The following GBP5 variants were observed in gnomAD, a reference collection of about 807,000 sequenced individuals.
GBP5 encodes guanylate-binding protein 5.
GBP5 carries 48 observed loss-of-function variants against 58.2 expected under a neutral mutation model. The ratio of observed to expected loss-of-function variants is 0.83; its 90% CI spans 0.65 to 1.05. The LOEUF is 1.05. Ranked by LOEUF, GBP5 falls within the 50% of genes least tolerant of loss-of-function variation. The pLI is 0.00. For synonymous variants in GBP5, 248 were observed against 251.8 expected (o/e 0.98, Z 0.14); for missense variants, 714 against 686.8 (o/e 1.04, Z -0.44).
chr1:89,258,292 T>C lies in GBP5; in HGVS notation c.*2412A>G, dbSNP rs887786782. On this transcript the variant is annotated 3_prime_UTR_variant, in exon 12 of 12. Coordinates refer to ENST00000370459, the MANE Select transcript of GBP5 (RefSeq NM_052942.5). The stretch of plus-strand genomic sequence containing the variant: ...TTAACAGTAACAAGGTGTGAAACCT[T>C]AAATGACTTAATTTTCTGAGTCTCA... 6.6e-6 allele frequency among the ~76,000 whole-genome samples: 1 copy of C among 152,210 alleles called. No individual in the cohort carries two copies. Among genetic ancestry groups the C allele is most frequent in the Non-Finnish European group, 1.5e-5 (1 of 68,044 alleles).
At chr1:89,271,754 G>A (rs1256082673) in intron 1 of GBP5, 1 of 152,192 alleles carries the variant, frequency 6.6e-6, no homozygotes, top group African/African-American at 2.4e-5. Context: ...GAATTTCAAC[G>A]AGTGAACAGT....
Position 89,264,691 on chromosome 1 carries a change from A to T in GBP5, c.1144T>A (p.Leu382Met). The T allele has an allele frequency of 6.2e-7, 1 of 1,613,142 alleles. No homozygotes were observed. Among genetic ancestry groups the T allele is most frequent in the South Asian group, 1.1e-5 (1 of 91,076 alleles). Residue 382 changes from leucine (L) to methionine (M), a missense_variant, in exon 8 of 12, where the codon TTG becomes ATG. Physicochemically the swap from Leu to Met is conservative, Grantham distance 15 (BLOSUM62 2). Transcript: ENST00000370459. ...KDVDQSFQKE[L>M]ETLLDAKQND... ...ACTAGAAACAAAAATATCACCTCCA[A>T]TTCTTTCTGGAAACTTTGGTCTACA...
At chr1:89,266,729 C>T (rs1650236216) in intron 6 of GBP5, 141 bp from the exon 7 acceptor site, 2 of 842,516 alleles carry the variant, frequency 2.4e-6, no homozygotes, top group African/African-American at 1.7e-5. Context: ...AAAATGGTAA[C>T]TAATCAGGGA....
chr1:89,262,458 C>T (rs1242667070), intron 10 of GBP5, 57 bp from the exon 11 acceptor site: 2 of 1,479,870 alleles, frequency 1.4e-6, no homozygotes, highest in African/African-American at 2.8e-5. Flanking sequence ...TTCTGCCTCC[C>T]ACTTTTGTTT....
At chr1:89,263,972 GA>G in intron 8 of GBP5, 24 bp from the exon 9 acceptor site, 1 of 1,369,836 alleles carries the variant, frequency 7.3e-7, no homozygotes, top group Non-Finnish European at 1.0e-6. Flanking sequence ...AAAACCCATG[GA>G]AAAGATGTTA....
chr1:89,258,909 T>C lies in GBP5; in HGVS notation c.*1795A>G, dbSNP rs182837779. 2.0e-4 allele frequency: 31 copies of C among 152,318 alleles called. No homozygotes were observed. Among genetic ancestry groups the C allele is most frequent in the African/African-American group, 6.0e-4 (25 of 41,578 alleles). 9.4% of individuals were successfully genotyped at this position (152,318 alleles called of 1,614,324 possible). On this transcript the variant is annotated 3_prime_UTR_variant, in exon 12 of 12. Coordinates refer to ENST00000370459, the MANE Select transcript of GBP5 (RefSeq NM_052942.5). ...CTTAGGGAAATTCAGTCTTTCTCTA[T>C]AGACTTTTAACTTTGAGAAAAATAC...
Position 89,259,084 on chromosome 1 carries a change from A to C in GBP5, c.*1620T>G, listed in dbSNP as rs958992204. ...AGAATTAAGATCATTTAACTTTAGC[A>C]CTATAAGCAAGCATTAAATTAAATG... On this transcript the variant is annotated 3_prime_UTR_variant, in exon 12 of 12. Transcript: ENST00000370459. 3.3e-5 allele frequency: 5 copies of C among 152,212 alleles called. No homozygotes were observed. The highest frequency in any genetic ancestry group is 1.2e-4 in the African/African-American group (5 of 41,468). The allele number at this position is 152,212 out of a possible 1,614,324, so 9.4% of individuals were successfully genotyped here.
intron 2 of GBP5, 107 bp from the exon 3 acceptor site, chr1:89,269,681 C>A: frequency 1.6e-6 from 1 of 635,618 alleles, no homozygotes; most frequent in Non-Finnish European, 2.7e-6. Flanking sequence ...CCCAGCACTG[C>A]CTAAGTTTCT....
intron 7 of GBP5, among the ~76,000 whole-genome samples, 199 bp downstream of exon 7, chr1:89,266,147 T>G (rs1270749587): frequency 6.6e-6 from 1 of 152,270 alleles, no homozygotes; most frequent in Non-Finnish European, 1.5e-5. Context: ...GTTCCTGTTT[T>G]ATGTAACTTT....
rs1229227834 is a variant in GBP5 at position 89,266,499 on chromosome 1, G to A, written c.715C>T (p.Pro239Ser). Residue 239 changes from proline to serine, a missense_variant, in exon 7 of 12, where the codon CCT (proline) becomes TCT (serine). Coordinates refer to ENST00000370459, the MANE Select transcript of GBP5 (RefSeq NM_052942.5). ...TGGGCAAGCTTTTTTTGGTGAGCAG[G>A]TAAGTCAAAGATAAAGCATTTCTTT... ...PKKKCFIFDL[P>S]AHQKKLAQLE... 2.5e-6 allele frequency: 4 copies of A among 1,613,996 alleles called. No individual in the cohort carries two copies. The African/African-American group carries it at 5.3e-5, about 22-fold the overall frequency.
chr1:89,264,591 G>T, intron 8 of GBP5, 95 bp downstream of exon 8: 1 of 1,063,790 alleles, frequency 9.4e-7, no homozygotes, highest in Non-Finnish European at 1.4e-6. Flanking sequence ...TTCCAATCTA[G>T]TATTTTTTTT....
Position 89,258,191 on chromosome 1 carries a change from T to C in GBP5, c.*2513A>G, listed in dbSNP as rs1649854888. ...CACTAATGAAAGCAGCATGCCTCTC[T>C]GGTTTTTGGTGGGGGAGATATAATA... On this transcript the variant is annotated 3_prime_UTR_variant, in exon 12 of 12. Transcript: ENST00000370459. 6.6e-6 allele frequency among the ~76,000 whole-genome samples: 1 copy of C among 152,186 alleles called. No individual in the cohort carries two copies. The highest frequency in any genetic ancestry group is 1.5e-5 in the Non-Finnish European group (1 of 68,024).
In GBP5 at chr1:89,260,943, G is replaced by C; in HGVS notation, c.1648-126C>G. 2 of 652,460 alleles carry C rather than the reference G, an allele frequency of 3.1e-6. 1 individual carries two copies. The highest frequency in any genetic ancestry group is 5.5e-6 in the Non-Finnish European group (2 of 365,130). The allele number at this position is 652,460 out of a possible 1,614,324, so 40.4% of individuals were successfully genotyped here. ...TCCTGAATATCTCTCTTCCATTCAC[G>C]TGCATCTAACCTATTTCTGTAATTA... On this transcript the variant is annotated intron_variant, in intron 11 of 11. Coordinates refer to ENST00000370459, the MANE Select transcript of GBP5 (RefSeq NM_052942.5).
intron 2 of GBP5, chr1:89,269,787 T>C (rs1229466296): frequency 3.1e-6 from 1 of 325,940 alleles, no homozygotes; most frequent in Non-Finnish European, 5.6e-6. Context: ...ATGTCTACTA[T>C]AGGCCATTCT....
rs1469929972 is a variant in GBP5, at chr1:89,259,707, C to T, written c.*997G>A. Reference sequence around the variant, plus strand: ...CCGCAAGTTCCCAGAACTTAGGTGCCACTATAACCACCCCTAAGCTAAACC... The same window carrying T: ...CCGCAAGTTCCCAGAACTTAGGTGCTACTATAACCACCCCTAAGCTAAACC... On this transcript the variant is annotated 3_prime_UTR_variant, in exon 12 of 12. Transcript: ENST00000370459. The T allele has an allele frequency of 1.3e-5, 2 of 151,996 alleles. No homozygotes were observed. The highest frequency in any genetic ancestry group is 1.3e-4 in the Admixed American group (2 of 15,262). 9.4% of individuals were successfully genotyped at this position (151,996 alleles called of 1,614,324 possible). A position where few individuals can be genotyped will look rare whatever the true frequency, so the allele number is the denominator to read the frequency against.
Position 89,268,727 on chromosome 1 carries a change from ACC to A in GBP5, c.318_318+1del. 1 of 1,613,930 alleles carries A rather than the reference ACC, an allele frequency of 6.2e-7. No individual in the cohort carries two copies. Among genetic ancestry groups the A allele is most frequent in the Admixed American group, 1.7e-5 (1 of 60,014 alleles). On this transcript the variant is annotated splice_donor_variant and coding_sequence_variant, in exon 4 of 12. Coordinates refer to ENST00000370459, the MANE Select transcript of GBP5 (RefSeq NM_052942.5). LOFTEE classifies it high-confidence loss of function. Reference sequence around the variant, plus strand: ...AGGTTAAAAAAAGGAATCCTTCCTTACCTTCTCTACATCTCCCAGGCCCTCGG... The same window carrying A: ...AGGTTAAAAAAAGGAATCCTTCCTTATTCTCTACATCTCCCAGGCCCTCGG...
chr1:89,262,131 C>G, intron 11 of GBP5, 89 bp downstream of exon 11: 32 of 1,289,846 alleles, frequency 2.5e-5, no homozygotes, highest in Non-Finnish European at 3.0e-5. Flanking sequence ...CTGCTGAGAG[C>G]CACAAGATCT....
At position 89,265,044 on chromosome 1, in the gene GBP5, C is replaced by G; in HGVS notation, c.869-78G>C. 2.2e-6 allele frequency: 3 copies of G among 1,339,298 alleles called. No homozygotes were observed. The Admixed American group carries it at 5.9e-5, about 27-fold the overall frequency. The allele number at this position is 1,339,298 out of a possible 1,614,324, so 83.0% of individuals were successfully genotyped here. ...TGATACAGTAATTTCTGAGAACGTA[C>G]ATTTAATAGTTGCATTGCCTGAAAT... On this transcript the variant is annotated intron_variant, in intron 7 of 11. Transcript: ENST00000370459.
At position 89,268,752 on chromosome 1, in the gene GBP5, CGGTG is replaced by C. The variant is rs769019325; in HGVS notation, c.291_294del (p.Asp97GlufsTer7). On this transcript the variant is annotated frameshift_variant, in exon 4 of 12. Transcript: ENST00000370459. LOFTEE classifies it high-confidence loss of function. ...ACCTTCTCTACATCTCCCAGGCCCT[CGGTG>C]TCAAGCAGAACTAATGTGTGATTTG... 1.9e-6 allele frequency: 3 copies of C among 1,613,966 alleles called. No individual in the cohort carries two copies. In the South Asian group the frequency reaches 3.3e-5, roughly 18 times the overall value.
Sources: gnomAD v4.1 joint callset for allele counts (sites outside exome capture counted in the v4.1 genomes callset) on GRCh38, gnomAD v4.1.1 for gene constraint, MANE v1.5 for transcripts, NCBI Gene and HGNC (gene_info 2026-07-23, HGNC 2026-07-21) for gene names.